AGTPBP1: variants seen among roughly 807,000 people sequenced by gnomAD.
The protein encoded by AGTPBP1 is ATP/GTP binding carboxypeptidase 1.
A neutral mutation model predicts 143.9 loss-of-function variants in AGTPBP1; 70 were observed. The observed-to-expected ratio is 0.49, with a 90% CI of 0.40 to 0.59. The LOEUF (loss-of-function observed/expected upper bound fraction) is 0.59, where lower values mean the gene tolerates loss of function less well. Among genes scored for constraint, AGTPBP1 ranks in the 20% least tolerant of loss-of-function variants. The probability of loss-of-function intolerance (pLI) is 0.00; values close to 1 mark genes in which losing one functional copy is unlikely to be tolerated. For synonymous variants in AGTPBP1, 463 were observed against 500.2 expected (o/e 0.93, Z 0.99); for missense variants, 1,229 against 1,464.5 (o/e 0.84, Z 2.62).
intron 3 of AGTPBP1, among the ~76,000 whole-genome samples, chr9:85,687,226 T>A (rs945074288): frequency 1.3e-5 from 2 of 152,084 alleles, no homozygotes; most frequent in Non-Finnish European, 2.9e-5. Flanking sequence ...GAACAGGGCC[T>A]CAAAACACAT....
intron 25 of AGTPBP1, among the ~76,000 whole-genome samples, chr9:85,554,537 T>C (rs956427677): frequency 1.6e-4 from 24 of 151,802 alleles, no homozygotes; most frequent in South Asian, 6.3e-4. Flanking sequence ...GAACCAAGAG[T>C]TCAAAGAGGT....
intron 25 of AGTPBP1, among the ~76,000 whole-genome samples, chr9:85,563,188 G>A (rs903825043): frequency 3.9e-5 from 6 of 152,160 alleles, no homozygotes; most frequent in African/African-American, 1.4e-4. Context: ...CCAAGAACTG[G>A]GGGTGCTATT....
chr9:85,552,345 A>G (rs538682681), intron 25 of AGTPBP1, among the ~76,000 whole-genome samples: 2 of 152,328 alleles, frequency 1.3e-5, no homozygotes, highest in East Asian at 3.9e-4. Flanking sequence ...TTAAGCTATT[A>G]AGTGTAACAC....
At chr9:85,756,870 T>C in the AGTPBP1 span, among the ~76,000 whole-genome samples, 1 of 152,092 alleles carries the variant, frequency 6.6e-6, no homozygotes, top group African/African-American at 2.4e-5. Context: ...TAATACCATT[T>C]GTATCAAGTC....
chr9:85,597,682 A>G (rs1829384079), intron 17 of AGTPBP1, among the ~76,000 whole-genome samples: 1 of 152,148 alleles, frequency 6.6e-6, no homozygotes, highest in South Asian at 2.1e-4. Context: ...GAGTAGTTCC[A>G]CCATAATTTT....
chr9:85,681,446 ACT>A, intron 3 of AGTPBP1, 111 bp from the exon 4 acceptor site: 3 of 816,556 alleles, frequency 3.7e-6, no homozygotes, highest in Non-Finnish European at 5.7e-6. Context: ...TACAGTAAAC[ACT>A]CTAACTTGGT....
chr9:85,734,815 T>C (rs960374635), intron 1 of AGTPBP1, among the ~76,000 whole-genome samples: 5 of 152,078 alleles, frequency 3.3e-5, no homozygotes, highest in Admixed American at 6.5e-5. Flanking sequence ...AAGTGGATCA[T>C]GAAGTCAGGA....
At chr9:85,584,701 C>T (rs1247917841) in intron 23 of AGTPBP1, among the ~76,000 whole-genome samples, 1 of 152,138 alleles carries the variant, frequency 6.6e-6, no homozygotes, top group Non-Finnish European at 1.5e-5. Flanking sequence ...GCTTTCCTAT[C>T]TACCATCAAT....
At chr9:85,655,353 G>T in intron 10 of AGTPBP1, 33 bp from the exon 11 acceptor site, 1 of 1,462,644 alleles carries the variant, frequency 6.8e-7, no homozygotes, top group Non-Finnish European at 9.1e-7. Flanking sequence ...GAAAAAGAAT[G>T]TTTTTGATGA....
At position 85,741,820 on chromosome 9, in the gene AGTPBP1, C is replaced by T; in HGVS notation, c.-79G>A. The T allele has an allele frequency of 7.2e-7, 1 of 1,393,420 alleles. No homozygotes were observed. The allele number at this position is 1,393,420 out of a possible 1,614,324, so 86.3% of individuals were successfully genotyped here. ...GCGGGGACCGCGCAGAGCCGCAGCACCCGGCTCAGCACCTGGATCACGGCG... is the reference window on the plus strand; with the variant it reads ...GCGGGGACCGCGCAGAGCCGCAGCATCCGGCTCAGCACCTGGATCACGGCG... On this transcript the variant is annotated 5_prime_UTR_variant, in exon 1 of 26. It adds an upstream start codon to the 5' untranslated region. Coordinates refer to ENST00000357081, the MANE Select transcript of AGTPBP1 (RefSeq NM_001330701.2).
intron 25 of AGTPBP1, among the ~76,000 whole-genome samples, chr9:85,564,785 CTATTGT>C (rs1202074201): frequency 6.6e-6 from 1 of 152,168 alleles, no homozygotes; most frequent in Non-Finnish European, 1.5e-5. Context: ...GAATGTATTC[CTATTGT>C]TAAACGATGC....
At position 85,632,873 on chromosome 9, in the gene AGTPBP1, C is replaced by A. The variant is rs1174496041; in HGVS notation, c.1804G>T (p.Asp602Tyr). 1 of 1,614,132 alleles carries A rather than the reference C, an allele frequency of 6.2e-7. No homozygotes were observed. Among genetic ancestry groups the A allele is most frequent in the East Asian group, 2.2e-5 (1 of 44,878 alleles). The change falls in exon 14 of 26, where the codon GAT becomes TAT. Residue 602 changes from aspartate (D) to tyrosine (Y), a missense_variant. Around this residue, in one of 2 missense-constraint regions of AGTPBP1, gnomAD observed 743 missense variants for 812.2 expected, o/e 0.91. Transcript: ENST00000357081. ...GATGAATTTGACTCAGTATCTTCATCATCTTCAGTTTCAACTCCAGTGCAG... is the reference window on the plus strand; with the variant it reads ...GATGAATTTGACTCAGTATCTTCATAATCTTCAGTTTCAACTCCAGTGCAG... ...LCCTGVETED[D>Y]EDTESNSSVE...
At chr9:85,655,890 C>T (rs1199005494) in intron 10 of AGTPBP1, among the ~76,000 whole-genome samples, 1 of 152,098 alleles carries the variant, frequency 6.6e-6, no homozygotes, top group Admixed American at 6.6e-5. Context: ...TGAAGTAGAG[C>T]TATCTCGGCT....
chr9:85,711,050 C>T (rs1478223832), intron 2 of AGTPBP1, among the ~76,000 whole-genome samples: 1 of 152,102 alleles, frequency 6.6e-6, no homozygotes, highest in Admixed American at 6.5e-5. Context: ...AGTGTGTATA[C>T]TATTCATTAT....
intron 25 of AGTPBP1, among the ~76,000 whole-genome samples, chr9:85,565,340 TTG>T (rs1322655447): frequency 2.0e-5 from 3 of 151,620 alleles, no homozygotes; most frequent in South Asian, 2.1e-4. Flanking sequence ...GAGGGCTAAG[TTG>T]TGGAATAACA....
intron 19 of AGTPBP1, among the ~76,000 whole-genome samples, chr9:85,591,806 G>A (rs531065804): frequency 2.0e-5 from 3 of 152,082 alleles, no homozygotes. Context: ...TTGGGAGCTT[G>A]TTTCTAATTA....
intron 25 of AGTPBP1, among the ~76,000 whole-genome samples, chr9:85,571,530 T>G (rs937732323): frequency 6.6e-6 from 1 of 152,188 alleles, no homozygotes; most frequent in Admixed American, 6.5e-5. Flanking sequence ...AAAAGTTGGA[T>G]GATAAAATGG....
At chr9:85,733,815 A>G (rs1238370690) in intron 1 of AGTPBP1, among the ~76,000 whole-genome samples, 1 of 152,144 alleles carries the variant, frequency 6.6e-6, no homozygotes, top group Non-Finnish European at 1.5e-5. Flanking sequence ...ATAACAGAGT[A>G]CTGTGAACAA....
the AGTPBP1 span, chr9:85,764,845 G>T: frequency 7.7e-7 from 1 of 1,303,994 alleles, no homozygotes; most frequent in Non-Finnish European, 1.1e-6. Flanking sequence ...AAGTCCTCCA[G>T]AAAGAAAAGG....
Sources: gnomAD v4.1 joint callset for allele counts (sites outside exome capture counted in the v4.1 genomes callset) on GRCh38, gnomAD v4.1.1 for gene constraint, gnomAD v4.1.1 regional missense constraint, MANE v1.5 for transcripts, NCBI Gene and HGNC (gene_info 2026-07-23, HGNC 2026-07-21) for gene names.